PKHD1: variants seen among roughly 807,000 people sequenced by gnomAD.
The protein encoded by PKHD1 is PKHD1 ciliary IPT domain containing fibrocystin/polyductin, also known as fibrocystin.
A neutral mutation model predicts 412.0 loss-of-function variants in PKHD1; 291 were observed. The ratio of observed to expected loss-of-function variants is 0.71; its 90% CI spans 0.64 to 0.78. The LOEUF is 0.78. Ranked by LOEUF, PKHD1 falls within the 30% of genes least tolerant of loss-of-function variation. PKHD1 has a pLI of 0.00. For missense variants in PKHD1, 4,825 were observed against 4,950.7 expected (o/e 0.97, Z 0.76); for synonymous variants, 1,777 against 1,821.5 (o/e 0.98, Z 0.62).
intron 66 of PKHD1, among the ~76,000 whole-genome samples, chr6:51,621,358 A>T (rs893203288): frequency 6.6e-6 from 1 of 152,208 alleles, no homozygotes; most frequent in African/African-American, 2.4e-5. Context: ...GAACAAGAAT[A>T]ATAAATTATC....
chr6:51,816,850 G>C (rs774092098), intron 52 of PKHD1, among the ~76,000 whole-genome samples: 3 of 152,106 alleles, frequency 2.0e-5, no homozygotes, highest in Non-Finnish European at 4.4e-5. Flanking sequence ...ATTTGCAAAC[G>C]GTTCTTTGCT....
chr6:51,859,137 A>G (rs1341159207), intron 48 of PKHD1, among the ~76,000 whole-genome samples: 6 of 152,114 alleles, frequency 3.9e-5, no homozygotes, highest in Non-Finnish European at 1.5e-5. Context: ...TTAACTACAA[A>G]CCAAAAGAAG....
At chr6:51,820,170 C>T (rs1766139905) in intron 52 of PKHD1, among the ~76,000 whole-genome samples, 1 of 126,298 alleles carries the variant, frequency 7.9e-6, no homozygotes, top group African/African-American at 2.8e-5. Flanking sequence ...GATTTAGATT[C>T]CCATAGCCTA....
At chr6:51,900,680 T>C (rs1281032006) in intron 43 of PKHD1, among the ~76,000 whole-genome samples, 1 of 151,652 alleles carries the variant, frequency 6.6e-6, no homozygotes, top group Non-Finnish European at 1.5e-5. Flanking sequence ...TGGGATCTAA[T>C]TAAACTAAAG....
At chr6:51,647,216 G>T (rs556073444) in intron 63 of PKHD1, among the ~76,000 whole-genome samples, 3 of 152,058 alleles carry the variant, frequency 2.0e-5, no homozygotes, top group African/African-American at 7.2e-5. Context: ...TGTCTCTTTT[G>T]TCTCTTTGAG....
chr6:51,824,300 A>C (rs996048394), intron 52 of PKHD1, among the ~76,000 whole-genome samples: 1 of 152,160 alleles, frequency 6.6e-6, no homozygotes, highest in African/African-American at 2.4e-5. Flanking sequence ...CTTTATACTT[A>C]GACTGCTTTA....
intron 53 of PKHD1, among the ~76,000 whole-genome samples, chr6:51,779,628 C>T (rs1030243071): frequency 2.0e-5 from 3 of 151,730 alleles, no homozygotes; most frequent in Non-Finnish European, 2.9e-5. Flanking sequence ...AGAAAAATAC[C>T]CCCTAGTAAT....
intron 13 of PKHD1, 50 bp from the exon 14 acceptor site, chr6:52,062,710 T>C (rs901869664): frequency 3.1e-6 from 5 of 1,609,908 alleles, no homozygotes; most frequent in Non-Finnish European, 3.4e-6. Context: ...CCTTCCCAAA[T>C]TGGGGAATTA....
chr6:52,056,632 C>T (rs1050273474), intron 18 of PKHD1, 66 bp downstream of exon 18: 5 of 1,191,436 alleles, frequency 4.2e-6, no homozygotes, highest in Middle Eastern at 1.9e-4. Flanking sequence ...GGGGATTGTT[C>T]TCATTTTATA....
intron 37 of PKHD1, among the ~76,000 whole-genome samples, chr6:51,931,033 A>G (rs763199633): frequency 1.1e-4 from 16 of 152,344 alleles, no homozygotes; most frequent in Non-Finnish European, 1.8e-4. Context: ...CAATAAGTTT[A>G]TGAAGTGGGA....
chr6:52,083,295 G>T, intron 2 of PKHD1, 40 bp from the exon 3 acceptor site: 1 of 1,224,714 alleles, frequency 8.2e-7, no homozygotes, highest in Non-Finnish European at 1.2e-6. Flanking sequence ...TTGAAGGTCA[G>T]ATTCAAACCA....
intron 10 of PKHD1, among the ~76,000 whole-genome samples, chr6:52,070,118 G>A (rs982395584): frequency 6.6e-6 from 1 of 152,098 alleles, no homozygotes; most frequent in African/African-American, 2.4e-5. Context: ...TAAGATACTT[G>A]TGACAGTTTT....
chr6:51,991,552 T>C (rs1797040321), intron 35 of PKHD1, among the ~76,000 whole-genome samples: 1 of 152,226 alleles, frequency 6.6e-6, no homozygotes, highest in African/African-American at 2.4e-5. Flanking sequence ...ACAGGGCTCA[T>C]TATGCTATTC....
At chr6:51,735,531 G>A (rs1025060657) in intron 60 of PKHD1, among the ~76,000 whole-genome samples, 4 of 152,146 alleles carry the variant, frequency 2.6e-5, no homozygotes, top group African/African-American at 4.8e-5. Context: ...CTTTGTATGC[G>A]ATGAAAGCTG....
intron 55 of PKHD1, among the ~76,000 whole-genome samples, chr6:51,765,174 G>T (rs1788772551): frequency 6.6e-6 from 1 of 151,804 alleles, no homozygotes; most frequent in Non-Finnish European, 1.5e-5. Flanking sequence ...CTCTTTCCTT[G>T]CCTCCACATG....
intron 61 of PKHD1, among the ~76,000 whole-genome samples, chr6:51,658,197 C>T (rs1417312229): frequency 6.6e-6 from 1 of 151,974 alleles, no homozygotes; most frequent in Non-Finnish European, 1.5e-5. Context: ...CTATGAGTAC[C>T]TTTTAATTTT....
intron 48 of PKHD1, among the ~76,000 whole-genome samples, chr6:51,863,617 T>C (rs1774558502): frequency 6.6e-6 from 1 of 152,084 alleles, no homozygotes; most frequent in South Asian, 2.1e-4. Context: ...AATCAGCAAT[T>C]AGAATAAATC....
intron 66 of PKHD1, 89 bp downstream of exon 66, chr6:51,626,908 G>C: frequency 7.1e-7 from 1 of 1,398,694 alleles, no homozygotes. Flanking sequence ...AAACCAAATT[G>C]CTTCAGAGAC....
chr6:52,062,317 T>C (rs901959607), intron 14 of PKHD1, among the ~76,000 whole-genome samples: 3 of 152,258 alleles, frequency 2.0e-5, no homozygotes, highest in South Asian at 2.1e-4. Context: ...GTGGAAAATA[T>C]ACATATTACA....
Sources: gnomAD v4.1 joint callset for allele counts (sites outside exome capture counted in the v4.1 genomes callset) on GRCh38, gnomAD v4.1.1 for gene constraint, MANE v1.5 for transcripts, NCBI Gene and HGNC (gene_info 2026-07-23, HGNC 2026-07-21) for gene names.